The following MGMT variants were observed in gnomAD, a reference collection of about 807,000 sequenced individuals.
MGMT encodes O-6-methylguanine-DNA methyltransferase, also known as methylated-DNA--protein-cysteine methyltransferase.
Under a neutral mutation model 15.9 loss-of-function variants are expected in MGMT, and 14 were observed. That is an observed-to-expected ratio of 0.88 (90% confidence interval 0.58 to 1.37). The LOEUF (loss-of-function observed/expected upper bound fraction) is 1.37, where lower values mean the gene tolerates loss of function less well. Ranked by LOEUF, MGMT falls within the 40% of genes most tolerant of loss-of-function variation. The pLI is 0.00. For missense variants in MGMT, 282 were observed against 268.1 expected (o/e 1.05, Z -0.36); for synonymous variants, 130 against 118.2 (o/e 1.10, Z -0.65).
intron 2 of MGMT, among the ~76,000 whole-genome samples, chr10:129,705,970 C>T (rs1286261373): frequency 2.0e-5 from 3 of 152,202 alleles, no homozygotes; most frequent in Non-Finnish European, 4.4e-5. Context: ...TGAGAGTCAT[C>T]CCTGACCCCA....
intron 3 of MGMT, among the ~76,000 whole-genome samples, chr10:129,750,066 C>G (rs567913174): frequency 3.9e-5 from 6 of 152,008 alleles, no homozygotes; most frequent in African/African-American, 1.4e-4. Flanking sequence ...TCCTAGTCTG[C>G]CTCTCGTTTT....
intron 3 of MGMT, among the ~76,000 whole-genome samples, chr10:129,742,394 C>G (rs577099388): frequency 2.0e-4 from 30 of 152,380 alleles, no homozygotes; most frequent in African/African-American, 7.0e-4. Context: ...GGTGCGCGAC[C>G]CGGGGCGTTC....
At chr10:129,653,496 GC>G (rs1847486363) in intron 2 of MGMT, among the ~76,000 whole-genome samples, 1 of 152,164 alleles carries the variant, frequency 6.6e-6, no homozygotes, top group African/African-American at 2.4e-5. Context: ...ACACTGAGTG[GC>G]CCCCAGGCCG....
intron 1 of MGMT, among the ~76,000 whole-genome samples, chr10:129,525,590 A>C (rs1845860116): frequency 6.6e-6 from 1 of 152,062 alleles, no homozygotes; most frequent in South Asian, 2.1e-4. Flanking sequence ...ATTCTTTACA[A>C]CCAAAGCATC....
Position 129,604,288 on chromosome 10 carries a change from C to T in MGMT, c.125+67911C>T, listed in dbSNP as rs539427715. Among the ~76,000 whole-genome samples the T allele has an allele frequency of 2.0e-5, 3 of 152,212 alleles. No individual in the cohort carries two copies. In the East Asian group the frequency reaches 5.8e-4, roughly 29 times the overall value. The stretch of plus-strand genomic sequence containing the variant: ...AGTAAAAATTGTAGTTTACATTTCC[C>T]AAAGCACCAGAGAGCCTAGCACTTA... On this transcript the variant is annotated intron_variant, in intron 2 of 4. Coordinates refer to ENST00000651593, the MANE Select transcript of MGMT (RefSeq NM_002412.5).
At chr10:129,499,115 G>T (rs867467304) in intron 1 of MGMT, among the ~76,000 whole-genome samples, 33 of 152,238 alleles carry the variant, frequency 2.2e-4, no homozygotes, top group South Asian at 4.1e-4. Context: ...CCTTTAAAAA[G>T]AATCTGGTAA....
At chr10:129,484,786 G>A (rs1190206284) in intron 1 of MGMT, among the ~76,000 whole-genome samples, 4 of 152,056 alleles carry the variant, frequency 2.6e-5, no homozygotes, top group African/African-American at 9.7e-5. Context: ...TCCTTTCAAG[G>A]TATCATGCTT....
intron 2 of MGMT, among the ~76,000 whole-genome samples, chr10:129,706,204 G>A (rs545859962): frequency 2.6e-5 from 4 of 152,296 alleles, no homozygotes; most frequent in Admixed American, 6.5e-5. Flanking sequence ...TCCACTCTGC[G>A]TCTACGTTCA....
At chr10:129,568,208 A>G (rs759404299) in intron 2 of MGMT, among the ~76,000 whole-genome samples, 23 of 151,956 alleles carry the variant, frequency 1.5e-4, no homozygotes, top group Non-Finnish European at 1.8e-4. Flanking sequence ...TCCTGCCTTC[A>G]CTTGAGGTTT....
At chr10:129,614,694 T>C (rs1397855553) in intron 2 of MGMT, among the ~76,000 whole-genome samples, 1 of 152,194 alleles carries the variant, frequency 6.6e-6, no homozygotes, top group Non-Finnish European at 1.5e-5. Context: ...CAGTGAAGGA[T>C]GACTTTTGAC....
intron 2 of MGMT, among the ~76,000 whole-genome samples, chr10:129,674,143 G>C (rs563251369): frequency 1.1e-4 from 17 of 152,116 alleles, no homozygotes; most frequent in Non-Finnish European, 1.9e-4. Context: ...GTCATCATAA[G>C]ATGTTAATGC....
intron 2 of MGMT, among the ~76,000 whole-genome samples, chr10:129,702,415 T>A (rs761094930): frequency 6.6e-6 from 1 of 152,178 alleles, no homozygotes; most frequent in Non-Finnish European, 1.5e-5. Flanking sequence ...GTCATGATAT[T>A]TGCCTCGGGA....
At chr10:129,541,405 C>G (rs1433780896) in intron 2 of MGMT, among the ~76,000 whole-genome samples, 1 of 152,258 alleles carries the variant, frequency 6.6e-6, no homozygotes, top group East Asian at 1.9e-4. Context: ...CCCGCAGCTG[C>G]AGAGCTCTGA....
intron 2 of MGMT, among the ~76,000 whole-genome samples, chr10:129,662,884 G>A (rs780937776): frequency 6.6e-6 from 1 of 152,180 alleles, no homozygotes; most frequent in Non-Finnish European, 1.5e-5. Context: ...TAAAACCCAT[G>A]TAACACAGAA....
chr10:129,491,931 C>T (rs1218519949), intron 1 of MGMT, among the ~76,000 whole-genome samples: 1 of 151,894 alleles, frequency 6.6e-6, no homozygotes, highest in African/African-American at 2.4e-5. Flanking sequence ...GACATCTATT[C>T]CTCTGCTTGT....
rs1282487854 is a variant in MGMT, at chr10:129,768,975, G to C, written c.*1978G>C. ...GTCTCTCATCAGGCACAGGCTCTGA[G>C]GGAGGGTCCTGGGGCCACATGACTG... On this transcript the variant is annotated 3_prime_UTR_variant, in exon 5 of 5. Coordinates refer to ENST00000651593, the MANE Select transcript of MGMT (RefSeq NM_002412.5). 1 of 152,344 alleles carries C rather than the reference G, an allele frequency of 6.6e-6. No individual in the cohort carries two copies. Among genetic ancestry groups the C allele is most frequent in the South Asian group, 2.1e-4 (1 of 4,834 alleles). 9.4% of individuals were successfully genotyped at this position (152,344 alleles called of 1,614,324 possible). A position where few individuals can be genotyped will look rare whatever the true frequency, so the allele number is the denominator to read the frequency against.
chr10:129,609,900 G>A (rs1846939792), intron 2 of MGMT, among the ~76,000 whole-genome samples: 2 of 152,294 alleles, frequency 1.3e-5, no homozygotes, highest in Admixed American at 1.3e-4. Context: ...AAAGGCCCGG[G>A]AGCTTGGCAG....
chr10:129,703,188 C>T (rs1311104052), intron 2 of MGMT, among the ~76,000 whole-genome samples: 2 of 152,140 alleles, frequency 1.3e-5, no homozygotes, highest in Non-Finnish European at 2.9e-5. Flanking sequence ...AGGAGAACTA[C>T]AGAGTAAATC....
chr10:129,552,721 C>T (rs933365993), intron 2 of MGMT, among the ~76,000 whole-genome samples: 4 of 152,116 alleles, frequency 2.6e-5, no homozygotes, highest in Non-Finnish European at 4.4e-5. Context: ...AGAGGCTGGC[C>T]GAGGGCAGGG....
Sources: allele counts gnomAD v4.1 joint callset (sites outside exome capture counted in the v4.1 genomes callset), GRCh38; gene constraint gnomAD v4.1.1; transcripts MANE v1.5; gene names NCBI Gene and HGNC (gene_info 2026-07-23, HGNC 2026-07-21).